The following ADAMTS17 variants were observed in gnomAD, a reference collection of about 807,000 sequenced individuals.
ADAMTS17 encodes the protein A disintegrin and metalloproteinase with thrombospondin motifs 17.
ADAMTS17 carries 113 observed loss-of-function variants against 141.5 expected under a neutral mutation model. The observed-to-expected ratio is 0.80, with a 90% CI of 0.69 to 0.93. The LOEUF is 0.93. Among genes scored for constraint, ADAMTS17 ranks in the 40% least tolerant of loss-of-function variants. The pLI, the probability that ADAMTS17 is intolerant of heterozygous loss-of-function variation, is 0.00. For missense variants in ADAMTS17, 1,659 were observed against 1,517.9 expected (o/e 1.09, Z -1.54); for synonymous variants, 768 against 630.6 (o/e 1.22, Z -3.27).
chr15:100,157,387 G>A (rs2039485142), intron 8 of ADAMTS17, among the ~76,000 whole-genome samples: 1 of 152,112 alleles, frequency 6.6e-6, no homozygotes, highest in South Asian at 2.1e-4. Flanking sequence ...AATGTCTAAG[G>A]CACTTACATA....
At chr15:100,215,525 C>G (rs1390295867) in intron 7 of ADAMTS17, among the ~76,000 whole-genome samples, 1 of 152,108 alleles carries the variant, frequency 6.6e-6, no homozygotes, top group East Asian at 1.9e-4. Context: ...GCATGGCCAA[C>G]AGAGAAGTTG....
At position 100,026,214 on chromosome 15, in the gene ADAMTS17, T is replaced by C. The variant is rs149073578; in HGVS notation, c.2591+22643A>G. Among the ~76,000 whole-genome samples, 74 of 152,364 alleles carry C rather than the reference T, an allele frequency of 4.9e-4. 1 individual carries two copies. The East Asian group carries it at 0.013, about 27-fold the overall frequency. ...TTTATTTGTGAGACTGATCCAAGTT[T>C]TGTAGAACAATAGTTTATTTTCATC... is the stretch of plus-strand genomic sequence containing the variant. On this transcript the variant is annotated intron_variant, in intron 18 of 21. Coordinates refer to ENST00000268070, the MANE Select transcript of ADAMTS17 (RefSeq NM_139057.4).
At position 100,261,545 on chromosome 15, in the gene ADAMTS17, C is replaced by T; in HGVS notation, c.965G>A (p.Gly322Asp). ...CTTCCCGCCGGGAACCTGGTTATTG[C>T]CGAGGTATCGCGCTCCTCCATACTC... ...NEEYGGARYL[G>D]NNQVPGGKDD... Residue 322 changes from glycine (G) to aspartate (D), a missense_variant, in exon 6 of 22, where the codon GGC (glycine) becomes GAC (aspartate). Transcript: ENST00000268070. The T allele has an allele frequency of 6.2e-7, 1 of 1,614,152 alleles. No homozygotes were observed. The highest frequency in any genetic ancestry group is 8.5e-7 in the Non-Finnish European group (1 of 1,180,028).
intron 20 of ADAMTS17, among the ~76,000 whole-genome samples, chr15:99,988,083 C>T (rs1332785688): frequency 6.6e-6 from 1 of 152,070 alleles, no homozygotes; most frequent in Non-Finnish European, 1.5e-5. Flanking sequence ...TAAGACCTCT[C>T]CATAACAGCT....
intron 18 of ADAMTS17, among the ~76,000 whole-genome samples, chr15:100,032,589 C>A (rs1596269313): frequency 6.6e-6 from 1 of 152,194 alleles, no homozygotes; most frequent in East Asian, 1.9e-4. Context: ...ACAGTACTGT[C>A]TGATGACTCT....
intron 6 of ADAMTS17, 44 bp from the exon 7 acceptor site, chr15:100,254,223 A>G: frequency 6.4e-7 from 1 of 1,564,496 alleles, no homozygotes; most frequent in Non-Finnish European, 8.8e-7. Context: ...CAGTATCCCC[A>G]AGAATGGGAG....
At chr15:100,143,325 C>G (rs767843525) in intron 10 of ADAMTS17, among the ~76,000 whole-genome samples, 5 of 152,324 alleles carry the variant, frequency 3.3e-5, no homozygotes, top group Non-Finnish European at 7.3e-5. Context: ...AATATCTGAG[C>G]TTAAGTAGCT....
At chr15:99,989,556 C>T (rs2060653035) in intron 20 of ADAMTS17, among the ~76,000 whole-genome samples, 1 of 152,226 alleles carries the variant, frequency 6.6e-6, no homozygotes, top group Admixed American at 6.5e-5. Context: ...ACCATGCAGG[C>T]ATGAGGTAAT....
chr15:99,997,486 C>T lies in ADAMTS17; in HGVS notation c.2695G>A (p.Ala899Thr), dbSNP rs774316306. The T allele has an allele frequency of 5.6e-5, 90 of 1,613,436 alleles. No homozygotes were observed. Among genetic ancestry groups the T allele is most frequent in the Non-Finnish European group, 7.4e-5 (87 of 1,179,982 alleles). The change falls in exon 19 of 22, where the codon GCT becomes ACT. Residue 899 changes from alanine to threonine, a missense_variant. Ala to Thr is a moderately conservative substitution (Grantham distance 58). Coordinates refer to ENST00000268070, the MANE Select transcript of ADAMTS17 (RefSeq NM_139057.4). This position sits in a 1 kb window ranked among gnomAD's most constrained non-coding sequence, Gnocchi z 4.7. Reference sequence around the variant, plus strand: ...CCCGGGCAGTAGAGGGGCCGCGTAGCGACGTGTGTGCCGTTCTGCAGCTGG... The same window carrying T: ...CCCGGGCAGTAGAGGGGCCGCGTAGTGACGTGTGTGCCGTTCTGCAGCTGG... The part of the protein sequence containing the change: ...VYQLQNGTHV[A>T]TRPLYCPGPR...
At chr15:100,080,680 TTCC>T (rs780211405) in intron 15 of ADAMTS17, among the ~76,000 whole-genome samples, 93 of 152,324 alleles carry the variant, frequency 6.1e-4, no homozygotes, top group African/African-American at 1.9e-3. Context: ...CTGTAATTAT[TTCC>T]TCCTTTTTTT....
intron 10 of ADAMTS17, among the ~76,000 whole-genome samples, chr15:100,144,138 C>T (rs2038786687): frequency 6.6e-6 from 1 of 152,182 alleles, no homozygotes; most frequent in African/African-American, 2.4e-5. Context: ...GTAATATATG[C>T]GTTTGTCAAC....
chr15:100,233,502 C>T (rs544819534), intron 7 of ADAMTS17, among the ~76,000 whole-genome samples: 3 of 151,954 alleles, frequency 2.0e-5, no homozygotes, highest in East Asian at 1.9e-4. Context: ...TTTATTAGCT[C>T]GAAAAATATG....
intron 6 of ADAMTS17, among the ~76,000 whole-genome samples, chr15:100,258,126 A>G (rs970858584): frequency 1.2e-4 from 18 of 152,244 alleles, no homozygotes; most frequent in African/African-American, 4.1e-4. Context: ...CCATCAATGG[A>G]CATATAGGTC....
chr15:99,991,209 G>C (rs1340151605), intron 20 of ADAMTS17, among the ~76,000 whole-genome samples: 1 of 152,164 alleles, frequency 6.6e-6, no homozygotes, highest in Non-Finnish European at 1.5e-5. Context: ...CACAGCAAAA[G>C]AAACTAGCAT....
At chr15:100,159,495 T>C (rs2039591986) in intron 8 of ADAMTS17, among the ~76,000 whole-genome samples, 1 of 152,264 alleles carries the variant, frequency 6.6e-6, no homozygotes, top group African/African-American at 2.4e-5. Flanking sequence ...GGTTTGATTT[T>C]CTTTCTTTAA....
chr15:100,059,346 A>C (rs1211122411), intron 15 of ADAMTS17, among the ~76,000 whole-genome samples: 2 of 152,210 alleles, frequency 1.3e-5, no homozygotes, highest in African/African-American at 2.4e-5. Flanking sequence ...CAGAGCCTGC[A>C]CGCCTCTCCT....
At chr15:100,190,413 C>T (rs2040873673) in intron 8 of ADAMTS17, among the ~76,000 whole-genome samples, 1 of 152,194 alleles carries the variant, frequency 6.6e-6, no homozygotes, top group African/African-American at 2.4e-5. Context: ...AGATGAGAAG[C>T]GCCCTTTCCC....
At chr15:100,225,063 C>T (rs919086468) in intron 7 of ADAMTS17, among the ~76,000 whole-genome samples, 1 of 152,224 alleles carries the variant, frequency 6.6e-6, no homozygotes, top group African/African-American at 2.4e-5. Flanking sequence ...ACCAATTTCA[C>T]GGCCATGGGG....
At chr15:100,003,989 C>A (rs1276858845) in intron 18 of ADAMTS17, among the ~76,000 whole-genome samples, 1 of 152,206 alleles carries the variant, frequency 6.6e-6, no homozygotes, top group Non-Finnish European at 1.5e-5. Flanking sequence ...CTGAACTGTA[C>A]ATTTACAAAT....
Sources: allele counts gnomAD v4.1 joint callset (sites outside exome capture counted in the v4.1 genomes callset), GRCh38; gene constraint gnomAD v4.1.1; non-coding constraint Gnocchi (gnomAD v3.1); transcripts MANE v1.5; gene names NCBI Gene and HGNC (gene_info 2026-07-23, HGNC 2026-07-21).